Variants in CSTF1 observed in about 807,000 individuals in gnomAD.
CSTF1 encodes the protein CF-1 50 kDa subunit.
CSTF1 carries 2 observed loss-of-function variants against 40.9 expected under a neutral mutation model. That is an observed-to-expected ratio of 0.05 (90% confidence interval 0.02 to 0.15). The LOEUF is 0.15. CSTF1 is among the 10% of genes least tolerant of loss of function. The probability of loss-of-function intolerance (pLI) is 1.00; values close to 1 mark genes in which losing one functional copy is unlikely to be tolerated. For synonymous variants in CSTF1, 218 were observed against 207.2 expected (o/e 1.05, Z -0.45); for missense variants, 279 against 558.9 (o/e 0.50, Z 5.05).
chr20:56,394,480 G>C (rs1025882613), intron 1 of CSTF1, among the ~76,000 whole-genome samples: 1 of 152,198 alleles, frequency 6.6e-6, no homozygotes, highest in Non-Finnish European at 1.5e-5. Context: ...TTAGCTACTC[G>C]GGAGGCTGAG....
rs966502797 is a variant in CSTF1 at position 56,399,989 on chromosome 20, G to A, written c.1036+632G>A. ...GGCCCAAGTCTGGTTATTTGATAAT[G>A]AATGTTAAAACACTGTCTTCTGTTC... is the stretch of plus-strand genomic sequence containing the variant. On this transcript the variant is annotated intron_variant, in intron 5 of 5. Coordinates refer to ENST00000217109, the MANE Select transcript of CSTF1 (RefSeq NM_001324.3). This position sits in a 1 kb window ranked among gnomAD's most constrained non-coding sequence, Gnocchi z 4.6. 6.6e-6 allele frequency among the ~76,000 whole-genome samples: 1 copy of A among 152,198 alleles called. No individual in the cohort carries two copies. Among genetic ancestry groups the A allele is most frequent in the African/African-American group, 2.4e-5 (1 of 41,448 alleles).
In CSTF1 at chr20:56,403,491, G is replaced by T. The variant is rs758457508; in HGVS notation, c.1060G>T (p.Val354Leu). The change falls in exon 6 of 6, where the codon GTG (valine) becomes TTG (leucine). Residue 354 changes from valine to leucine, a missense_variant. Around this residue, in one of 4 missense-constraint regions of CSTF1, gnomAD observed 162 missense variants for 337.1 expected, o/e 0.48. Coordinates refer to ENST00000217109, the MANE Select transcript of CSTF1 (RefSeq NM_001324.3). The stretch of plus-strand genomic sequence containing the variant: ...AGGCGCGGGTTTAAGTGGACGCCAG[G>T]TGCACCGGACACAGGCTGTGTTTAA... The part of the protein sequence containing the change: ...YTGAGLSGRQ[V>L]HRTQAVFNHT... 2 of 1,614,068 alleles carry T rather than the reference G, an allele frequency of 1.2e-6. No individual in the cohort carries two copies. The highest frequency in any genetic ancestry group is 1.7e-6 in the Non-Finnish European group (2 of 1,179,998).
intron 5 of CSTF1, among the ~76,000 whole-genome samples, chr20:56,401,750 G>T (rs148520009): frequency 1.3e-5 from 2 of 152,134 alleles, no homozygotes; most frequent in African/African-American, 4.8e-5. Flanking sequence ...CTGAGCACTC[G>T]CACTCCAGAG....
At chr20:56,403,140 G>A (rs1257795336) in intron 5 of CSTF1, among the ~76,000 whole-genome samples, 1 of 151,880 alleles carries the variant, frequency 6.6e-6, no homozygotes, top group Non-Finnish European at 1.5e-5. Flanking sequence ...CATTAGGACA[G>A]TAACAGTATT....
At chr20:56,395,205 T>C (rs983038102) in intron 1 of CSTF1, among the ~76,000 whole-genome samples, 2 of 152,160 alleles carry the variant, frequency 1.3e-5, no homozygotes, top group African/African-American at 2.4e-5. Flanking sequence ...AGAACAAAAA[T>C]CATAGGTAGC....
rs907747872 is a variant in CSTF1 at position 56,403,389 on chromosome 20, C to T, written c.1037-79C>T. On this transcript the variant is annotated intron_variant, in intron 5 of 5. Coordinates refer to ENST00000217109, the MANE Select transcript of CSTF1 (RefSeq NM_001324.3). ...GTATCACTGCAACAGGTTTAAAATG[C>T]TTTTACATTGAATGCTAGAACGTTC... is the stretch of plus-strand genomic sequence containing the variant. 23 of 1,543,226 alleles carry T rather than the reference C, an allele frequency of 1.5e-5. No homozygotes were observed. In the African/African-American group the frequency reaches 2.7e-4, roughly 18 times the overall value.
rs778835594 is a variant in CSTF1 at position 56,395,708 on chromosome 20, T to C, written c.156T>C (p.His52=). The part of the protein sequence containing the change: ...SVCAPSEQLL[H]LIKLGMENDD... The stretch of plus-strand genomic sequence containing the variant: ...GTGCACCCTCGGAGCAGCTCCTGCA[T>C]CTCATCAAACTCGGTAGATTGTGAA... The change falls in exon 2 of 6, where the codon CAT becomes CAC. Residue 52 remains histidine, a synonymous_variant. Coordinates refer to ENST00000217109, the MANE Select transcript of CSTF1 (RefSeq NM_001324.3). 2 of 1,613,764 alleles carry C rather than the reference T, an allele frequency of 1.2e-6. No homozygotes were observed. Among genetic ancestry groups the C allele is most frequent in the African/African-American group, 1.3e-5 (1 of 74,928 alleles).
chr20:56,394,602 A>G (rs1255338165), intron 1 of CSTF1, among the ~76,000 whole-genome samples: 2 of 152,272 alleles, frequency 1.3e-5, no homozygotes, highest in African/African-American at 2.4e-5. Flanking sequence ...GAAAAAAGAA[A>G]TCAGGCTCTG....
At chr20:56,403,402 T>C (rs1978556630) in intron 5 of CSTF1, 66 bp from the exon 6 acceptor site, 15 of 1,580,366 alleles carry the variant, frequency 9.5e-6, no homozygotes, top group Admixed American at 1.7e-5. Flanking sequence ...TTACATTGAA[T>C]GCTAGAACGT....
At position 56,399,969 on chromosome 20, in the gene CSTF1, A is replaced by C. The variant is rs533612794; in HGVS notation, c.1036+612A>C. On this transcript the variant is annotated intron_variant, in intron 5 of 5. Transcript: ENST00000217109. The surrounding 1 kb of genome is among the most constrained non-coding windows in gnomAD (Gnocchi z 4.6). ...ATTTATCCTATCACTAGTAGGGCCC[A>C]AGTCTGGTTATTTGATAATGAATGT... 8.5e-4 allele frequency among the ~76,000 whole-genome samples: 130 copies of C among 152,322 alleles called. No individual in the cohort carries two copies. Among genetic ancestry groups the C allele is most frequent in the Non-Finnish European group, 1.6e-3 (110 of 68,028 alleles).
At position 56,397,914 on chromosome 20, in the gene CSTF1, T is replaced by A; in HGVS notation, c.645+73T>A. The A allele has an allele frequency of 8.2e-7, 1 of 1,217,820 alleles. No individual in the cohort carries two copies. The highest frequency in any genetic ancestry group is 1.2e-6 in the Non-Finnish European group (1 of 849,528). 75.4% of individuals were successfully genotyped at this position (1,217,820 alleles called of 1,614,324 possible). On this transcript the variant is annotated intron_variant, in intron 4 of 5. Coordinates refer to ENST00000217109, the MANE Select transcript of CSTF1 (RefSeq NM_001324.3). The surrounding 1 kb of genome is among the most constrained non-coding windows in gnomAD (Gnocchi z 4.4). ...AGCTATTGTACAACTATTCTCTTTT[T>A]AAAAGTAGTCTCAGTGATCATCCTG...
chr20:56,399,173 C>T lies in CSTF1; in HGVS notation c.852C>T (p.Gly284=). 6.2e-7 allele frequency: 1 copy of T among 1,614,202 alleles called. No individual in the cohort carries two copies. The highest frequency in any genetic ancestry group is 8.5e-7 in the Non-Finnish European group (1 of 1,180,018). The change falls in exon 5 of 6, where the codon GGC becomes GGT. Residue 284 remains glycine (G), a synonymous_variant. Transcript: ENST00000217109. This position sits in a 1 kb window ranked among gnomAD's most constrained non-coding sequence, Gnocchi z 4.6. ...ANMYVTGSKD[G]CIKLWDGVSN... ...TGTACGTAACTGGAAGCAAGGACGG[C>T]TGCATCAAATTATGGGATGGTGTTT... is the stretch of plus-strand genomic sequence containing the variant.
Position 56,397,180 on chromosome 20 carries a change from T to C in CSTF1, c.170-27T>C, listed in dbSNP as rs1364127300. The C allele has an allele frequency of 1.2e-5, 19 of 1,595,948 alleles. No homozygotes were observed. The highest frequency in any genetic ancestry group is 1.5e-5 in the Non-Finnish European group (17 of 1,169,966). On this transcript the variant is annotated intron_variant, in intron 2 of 5. Transcript: ENST00000217109. The surrounding 1 kb of genome is among the most constrained non-coding windows in gnomAD (Gnocchi z 4.4). ...TTTTAAGAAAAAACACTTGTTTTGT[T>C]ACGCCCTTAATTTTGATTTCTTTCA...
In CSTF1 at chr20:56,404,848, G is replaced by C. The variant is rs1213148613; in HGVS notation, c.*1121G>C. 1 of 49,040 alleles carries C rather than the reference G, an allele frequency of 2.0e-5. No individual in the cohort carries two copies. Among genetic ancestry groups the C allele is most frequent in the Non-Finnish European group, 3.4e-5 (1 of 29,586 alleles). 3.0% of individuals were successfully genotyped at this position (49,040 alleles called of 1,614,324 possible). On this transcript the variant is annotated 3_prime_UTR_variant, in exon 6 of 6. Transcript: ENST00000217109. ...TTTTTTTTTTTTTTTTGTATTTTTA[G>C]TAGAGCCAGGGTTTCACCATGTTAG...
At position 56,395,583 on chromosome 20, in the gene CSTF1, C is replaced by T. The variant is rs1251578127; in HGVS notation, c.31C>T (p.Arg11Cys). 4.3e-6 allele frequency: 7 copies of T among 1,614,084 alleles called. No individual in the cohort carries two copies. Among genetic ancestry groups the T allele is most frequent in the African/African-American group, 1.3e-5 (1 of 75,026 alleles). ...CAGAACCAAAGTGGGCTTGAAGGAC[C>T]GCCAGCAGCTCTACAAGCTGATCAT... MYRTKVGLKDRQQLYKLIISQ... is the reference protein window; with the variant it reads MYRTKVGLKDCQQLYKLIISQ... Residue 11 changes from arginine to cysteine, a missense_variant, in exon 2 of 6, where the codon CGC becomes TGC. By Grantham distance (180) the Arg-to-Cys change is radical. Around this residue, in one of 4 missense-constraint regions of CSTF1, gnomAD observed 51 missense variants for 55.0 expected, o/e 0.93. Coordinates refer to ENST00000217109, the MANE Select transcript of CSTF1 (RefSeq NM_001324.3).
chr20:56,393,985 A>G (rs927165977), intron 1 of CSTF1, among the ~76,000 whole-genome samples: 1 of 152,154 alleles, frequency 6.6e-6, no homozygotes, highest in Admixed American at 6.5e-5. Flanking sequence ...GGTTAAGCTC[A>G]GGGATCTGGA....
intron 5 of CSTF1, among the ~76,000 whole-genome samples, chr20:56,401,671 C>G (rs73285263): frequency 0.052 from 7,951 of 152,214 alleles, 604 homozygotes; most frequent in African/African-American, 0.17. Flanking sequence ...ATAAGAAGCA[C>G]TGAGGAAATC....
chr20:56,396,883 T>C (rs1008942870), intron 2 of CSTF1: 5 of 222,572 alleles, frequency 2.2e-5, no homozygotes, highest in African/African-American at 1.1e-4. Context: ...TGGAAAAAAA[T>C]GGATAATTTA....
chr20:56,395,912 G>GA, intron 2 of CSTF1, 191 bp downstream of exon 2: 1 of 587,828 alleles, frequency 1.7e-6, no homozygotes, highest in Non-Finnish European at 3.0e-6. Context: ...TTCAGATTAT[G>GA]AAGACCTTAA....
Sources: gnomAD v4.1 joint callset for allele counts (sites outside exome capture counted in the v4.1 genomes callset) on GRCh38, gnomAD v4.1.1 for gene constraint, gnomAD v4.1.1 regional missense constraint, Gnocchi (gnomAD v3.1) non-coding constraint, MANE v1.5 for transcripts, NCBI Gene and HGNC (gene_info 2026-07-23, HGNC 2026-07-21) for gene names.